SLC26A7: variants seen among roughly 807,000 people sequenced by gnomAD.
SLC26A7 encodes the protein solute carrier family 26 member 7, also known as anion exchange transporter.
In SLC26A7, 59 loss-of-function variants were observed where a neutral mutation model predicts 82.5. That is an observed-to-expected ratio of 0.72 (90% CI 0.58 to 0.89). The LOEUF (loss-of-function observed/expected upper bound fraction) is 0.89. Among genes scored for constraint, SLC26A7 ranks in the 40% least tolerant of loss-of-function variants. The pLI, the probability that SLC26A7 is intolerant of heterozygous loss-of-function variation, is 0.00. For missense variants in SLC26A7, 820 were observed against 793.0 expected (o/e 1.03, Z -0.41); for synonymous variants, 271 against 274.3 (o/e 0.99, Z 0.12).
At chr8:91,373,663 A>G (rs1430649179) in intron 15 of SLC26A7, among the ~76,000 whole-genome samples, 2 of 151,926 alleles carry the variant, frequency 1.3e-5, no homozygotes, top group East Asian at 3.9e-4. Context: ...TTTGTTCATC[A>G]GGGATATTGG....
chr8:91,306,332 T>C (rs1812306399), intron 4 of SLC26A7, among the ~76,000 whole-genome samples: 1 of 152,220 alleles, frequency 6.6e-6, no homozygotes, highest in African/African-American at 2.4e-5. Flanking sequence ...TGTGGTTATT[T>C]GCACACATGC....
At chr8:91,270,027 A>G (rs1336051943) in intron 2 of SLC26A7, among the ~76,000 whole-genome samples, 1 of 152,012 alleles carries the variant, frequency 6.6e-6, no homozygotes, top group Admixed American at 6.6e-5. Flanking sequence ...TTTTTCTAAA[A>G]TCTTAAAAAA....
At chr8:91,394,445 A>G in intron 18 of SLC26A7, 1 of 1,399,190 alleles carries the variant, frequency 7.1e-7, no homozygotes, top group Non-Finnish European at 9.3e-7. Context: ...TTATATTGCC[A>G]TCTTTGGAAA....
intron 2 of SLC26A7, among the ~76,000 whole-genome samples, chr8:91,262,850 G>C (rs1421177440): frequency 1.3e-5 from 2 of 151,902 alleles, no homozygotes; most frequent in African/African-American, 2.4e-5. Flanking sequence ...GTTGAATAAA[G>C]TGCTTAATTT....
intron 9 of SLC26A7, among the ~76,000 whole-genome samples, chr8:91,346,962 A>G (rs1022084756): frequency 1.3e-5 from 2 of 152,060 alleles, no homozygotes; most frequent in African/African-American, 4.8e-5. Context: ...CAGCGTCCTT[A>G]GTGCTATTTG....
At chr8:91,344,730 T>C (rs1216098261) in intron 9 of SLC26A7, among the ~76,000 whole-genome samples, 1 of 152,208 alleles carries the variant, frequency 6.6e-6, no homozygotes, top group Non-Finnish European at 1.5e-5. Flanking sequence ...CCTTGGTTTA[T>C]ATGACACAAG....
At chr8:91,327,519 A>G (rs1020730902) in intron 5 of SLC26A7, among the ~76,000 whole-genome samples, 9 of 152,156 alleles carry the variant, frequency 5.9e-5, no homozygotes, top group Non-Finnish European at 1.0e-4. Flanking sequence ...ACCTATCTAT[A>G]TGCTGATTAT....
At chr8:91,305,733 A>T (rs1252027021) in intron 4 of SLC26A7, among the ~76,000 whole-genome samples, 1 of 151,548 alleles carries the variant, frequency 6.6e-6, no homozygotes, top group African/African-American at 2.4e-5. Context: ...CTGATATATT[A>T]CACAAAACTT....
intron 7 of SLC26A7, among the ~76,000 whole-genome samples, chr8:91,339,405 T>C (rs1348952576): frequency 6.6e-6 from 1 of 152,112 alleles, no homozygotes; most frequent in African/African-American, 2.4e-5. Flanking sequence ...GGAGCTGAGA[T>C]TGCATTCCAG....
At chr8:91,300,531 G>A (rs886748577) in intron 4 of SLC26A7, among the ~76,000 whole-genome samples, 1 of 151,370 alleles carries the variant, frequency 6.6e-6, no homozygotes, top group African/African-American at 2.4e-5. Flanking sequence ...CCAAGTAGCT[G>A]GGACTACAGG....
rs1170440323 is a variant in SLC26A7 at position 91,389,536 on chromosome 8, C to G, written c.1776+98C>G. The G allele has an allele frequency of 1.2e-5, 10 of 829,048 alleles. No homozygotes were observed. The East Asian group carries it at 2.4e-4, about 20-fold the overall frequency. The allele number at this position is 829,048 out of a possible 1,614,324, so 51.4% of individuals were successfully genotyped here. A position where few individuals can be genotyped will look rare whatever the true frequency, so the allele number is the denominator to read the frequency against. ...TCCATAGTCTTGAGCCTGCTTGTTG[C>G]AATACTCATCTCACCCCATTATTTA... On this transcript the variant is annotated intron_variant, in intron 16 of 18. Coordinates refer to ENST00000276609, the MANE Select transcript of SLC26A7 (RefSeq NM_052832.4).
chr8:91,265,289 GATAA>G (rs2130723999), intron 2 of SLC26A7, among the ~76,000 whole-genome samples: 1 of 152,120 alleles, frequency 6.6e-6, no homozygotes, highest in African/African-American at 2.4e-5. Flanking sequence ...TTTGTCTGTT[GATAA>G]ATACTTAGAT....
At chr8:91,226,064 C>T (rs1207624969) in intron 2 of SLC26A7, among the ~76,000 whole-genome samples, 2 of 152,170 alleles carry the variant, frequency 1.3e-5, no homozygotes, top group Non-Finnish European at 2.9e-5. Context: ...AGAGGATTCT[C>T]TACTCAGTCT....
chr8:91,283,073 A>G (rs1375961539), intron 2 of SLC26A7, among the ~76,000 whole-genome samples: 1 of 152,216 alleles, frequency 6.6e-6, no homozygotes, highest in East Asian at 1.9e-4. Flanking sequence ...GAAACCATAA[A>G]TGTGAGCTAA....
chr8:91,279,762 T>G (rs1811518372), intron 2 of SLC26A7, among the ~76,000 whole-genome samples: 1 of 152,118 alleles, frequency 6.6e-6, no homozygotes, highest in Non-Finnish European at 1.5e-5. Flanking sequence ...GGTTTCACTG[T>G]GTTAGCCAGG....
At chr8:91,210,055 A>G (rs4339600) in intron 1 of SLC26A7, among the ~76,000 whole-genome samples, 115,527 of 152,102 alleles carry the variant, frequency 0.76, 45,037 homozygotes, top group African/African-American at 0.92. Flanking sequence ...ATATACCCAT[A>G]CTATGGAGTC....
At chr8:91,280,575 CTT>C (rs1446719246) in intron 2 of SLC26A7, among the ~76,000 whole-genome samples, 2 of 152,190 alleles carry the variant, frequency 1.3e-5, no homozygotes, top group African/African-American at 2.4e-5. Flanking sequence ...TGCTCTCTCT[CTT>C]GTCAAAGTCA....
At chr8:91,242,885 G>T (rs1810492972) in intron 2 of SLC26A7, among the ~76,000 whole-genome samples, 1 of 152,128 alleles carries the variant, frequency 6.6e-6, no homozygotes, top group South Asian at 2.1e-4. Flanking sequence ...TATCAGTATT[G>T]ATAATAACAG....
chr8:91,382,698 G>A (rs1814699595), intron 15 of SLC26A7, among the ~76,000 whole-genome samples: 1 of 152,074 alleles, frequency 6.6e-6, no homozygotes, highest in African/African-American at 2.4e-5. Flanking sequence ...TGGTTATAGA[G>A]TCATTTTATT....
Sources: allele counts gnomAD v4.1 joint callset (sites outside exome capture counted in the v4.1 genomes callset), GRCh38; gene constraint gnomAD v4.1.1; transcripts MANE v1.5; gene names NCBI Gene and HGNC (gene_info 2026-07-23, HGNC 2026-07-21).